The following LIPE variants were observed in gnomAD, a reference collection of about 807,000 sequenced individuals.
LIPE encodes hormone-sensitive lipase.
A neutral mutation model predicts 88.5 loss-of-function variants in LIPE; 66 were observed. The ratio of observed to expected loss-of-function variants is 0.75; its 90% confidence interval spans 0.61 to 0.91. The LOEUF is 0.91. Among genes scored for constraint, LIPE ranks in the 40% least tolerant of loss-of-function variants. The pLI is 0.00. For synonymous variants in LIPE, 570 were observed against 617.5 expected, an observed-to-expected ratio of 0.92 and a Z score of 1.14; for missense variants, 1,346 against 1,434.7, an observed-to-expected ratio of 0.94 and a Z score of 1.00.
At position 42,408,993 on chromosome 19, in the gene LIPE, C is replaced by G. The variant is rs1382518068; in HGVS notation, c.1420-671G>C. Among the ~76,000 whole-genome samples, 1 of 151,842 alleles carries G rather than the reference C, an allele frequency of 6.6e-6. No homozygotes were observed. Among genetic ancestry groups the G allele is most frequent in the African/African-American group, 2.4e-5 (1 of 41,308 alleles). On this transcript the variant is annotated intron_variant, in intron 2 of 9. Transcript: ENST00000244289. The surrounding 1 kb of genome is among the most constrained non-coding windows in gnomAD (Gnocchi z 4.3). ...GGGCAGAGGAATTTGGATTTCATTC[C>G]CAGTGCGGGGTGGTGCCACTGGTAG...
At chr19:42,403,525 G>A (rs1372758183) in intron 8 of LIPE, among the ~76,000 whole-genome samples, 1 of 150,598 alleles carries the variant, frequency 6.6e-6, no homozygotes, top group African/African-American at 2.4e-5. Flanking sequence ...ATGGCTCACT[G>A]CAACCTCCAC....
intron 1 of LIPE, among the ~76,000 whole-genome samples, chr19:42,422,678 C>T (rs1487995049): frequency 1.3e-5 from 2 of 152,310 alleles, no homozygotes; most frequent in Non-Finnish European, 1.5e-5. Context: ...AGGCTTGCAG[C>T]ATTTCTGTTG....
In LIPE at chr19:42,414,093, A is replaced by G. The variant is rs1238234950; in HGVS notation, c.884-3251T>C. On this transcript the variant is annotated intron_variant, in intron 1 of 9. Coordinates refer to ENST00000244289, the MANE Select transcript of LIPE (RefSeq NM_005357.4). The surrounding 1 kb of genome is among the most constrained non-coding windows in gnomAD (Gnocchi z 4.6). Reference sequence around the variant, plus strand: ...GGAGATCGAGACCATCCTGGCCAACATGCTGAAACCCCGTCTCTACTAAAA... The same window carrying G: ...GGAGATCGAGACCATCCTGGCCAACGTGCTGAAACCCCGTCTCTACTAAAA... Among the ~76,000 whole-genome samples, 2 of 152,150 alleles carry G rather than the reference A, an allele frequency of 1.3e-5. No individual in the cohort carries two copies. Among genetic ancestry groups the G allele is most frequent in the African/African-American group, 4.8e-5 (2 of 41,442 alleles).
At chr19:42,421,658 C>T (rs763110504) in intron 1 of LIPE, among the ~76,000 whole-genome samples, 10 of 152,248 alleles carry the variant, frequency 6.6e-5, no homozygotes, top group African/African-American at 1.4e-4. Context: ...AGGCAGCCAT[C>T]TCTTTGCCCT....
intron 1 of LIPE, chr19:42,424,717 C>T (rs756976445): frequency 2.3e-6 from 1 of 429,716 alleles, no homozygotes; most frequent in Non-Finnish European, 4.7e-6. Context: ...ATTAGGGCTG[C>T]GTTGGTTTTT....
chr19:42,405,351 C>T, intron 8 of LIPE, 34 bp downstream of exon 8: 1 of 1,604,948 alleles, frequency 6.2e-7, no homozygotes, highest in Non-Finnish European at 8.5e-7. Flanking sequence ...CCTGCCCACC[C>T]TGGCTGGGCA....
chr19:42,403,391 G>A lies in LIPE; in HGVS notation c.2543-360C>T, dbSNP rs577125159. Among the ~76,000 whole-genome samples, 3 of 151,994 alleles carry A rather than the reference G, an allele frequency of 2.0e-5. No individual in the cohort carries two copies. The South Asian group carries it at 6.3e-4, about 32-fold the overall frequency. On this transcript the variant is annotated intron_variant, in intron 8 of 9. Transcript: ENST00000244289. ...CTTGGTTCATAGGTGGCAGGACTCA[G>A]TGGGATAAGATGTGGGATTAGGTAC...
rs144192422 is a variant in LIPE at position 42,402,745 on chromosome 19, C to G, written c.2829G>C (p.Glu943Asp). 1.3e-6 allele frequency: 2 copies of G among 1,573,700 alleles called. No individual in the cohort carries two copies. Residue 943 changes from glutamate to aspartate, a missense_variant, in exon 9 of 10, where the codon GAG (glutamate) becomes GAC (aspartate). Physicochemically the swap from Glu to Asp is conservative, Grantham distance 45. Transcript: ENST00000244289. ...RGLGVRAAFP[E>D]GFHPRRSSQG... ...GGCTGGAGCGTCGGGGGTGGAAACCCTCGGGGAAGGCGGCACGGACGCCCA... is the reference window on the plus strand; with the variant it reads ...GGCTGGAGCGTCGGGGGTGGAAACCGTCGGGGAAGGCGGCACGGACGCCCA...
Position 42,426,795 on chromosome 19 carries a change from G to T in LIPE, c.355C>A (p.Leu119Ile). ...TGTTGAGTTATAGATTCTTTTCCTA[G>T]CCCAGGTCCCTGCTGGGAGGCAGCT... ...QEAASQQGPG[L>I]GKESITQQEP... The change falls in exon 1 of 10, where the codon CTA becomes ATA. Residue 119 changes from leucine (L) to isoleucine (I), a missense_variant. Leu to Ile is a conservative substitution (Grantham distance 5). Transcript: ENST00000244289. 6.2e-7 allele frequency: 1 copy of T among 1,614,074 alleles called. No individual in the cohort carries two copies. Among genetic ancestry groups the T allele is most frequent in the Non-Finnish European group, 8.5e-7 (1 of 1,180,016 alleles).
Position 42,407,197 on chromosome 19 carries a change from GC to G in LIPE, c.2113del (p.Ala705ProfsTer64). The stretch of plus-strand genomic sequence containing the variant: ...ACCAAGGAGGGCGCAGTGCTTGATG[GC>G]CCAGCAGTAGGCGAAGAAGCACTCC... ...LEECFFAYCW[A>X]IKHCALLGST... is the part of the protein sequence containing the mutation. On this transcript the variant is annotated frameshift_variant, in exon 6 of 10. Coordinates refer to ENST00000244289, the MANE Select transcript of LIPE (RefSeq NM_005357.4). LOFTEE classifies it high-confidence loss of function. This position sits in a 1 kb window ranked among gnomAD's most constrained non-coding sequence, Gnocchi z 5.8. 1 of 1,534,256 alleles carries G rather than the reference GC, an allele frequency of 6.5e-7. No homozygotes were observed. The highest frequency in any genetic ancestry group is 1.2e-5 in the South Asian group (1 of 82,020).
Position 42,410,717 on chromosome 19 carries a change from C to A in LIPE, c.1009G>T (p.Val337Phe). 6.2e-7 allele frequency: 1 copy of A among 1,613,846 alleles called. No homozygotes were observed. Among genetic ancestry groups the A allele is most frequent in the South Asian group, 1.1e-5 (1 of 91,074 alleles). ...GCCTGCTCCCGTACACCGGCAAAAACGCCTGACAGCCGCTGGGCCGTTTCC... is the reference window on the plus strand; with the variant it reads ...GCCTGCTCCCGTACACCGGCAAAAAAGCCTGACAGCCGCTGGGCCGTTTCC... ...PGETAQRLSG[V>F]FAGVREQALG... The change falls in exon 2 of 10, where the codon GTT becomes TTT. Residue 337 changes from valine to phenylalanine, a missense_variant. Transcript: ENST00000244289. This position sits in a 1 kb window ranked among gnomAD's most constrained non-coding sequence, Gnocchi z 6.1.
rs1189231129 is a variant in LIPE at position 42,402,753 on chromosome 19, AGGC to A, written c.2818_2820del (p.Ala940del). 3 of 1,581,436 alleles carry A rather than the reference AGGC, an allele frequency of 1.9e-6. No individual in the cohort carries two copies. The highest frequency in any genetic ancestry group is 2.6e-6 in the Non-Finnish European group (3 of 1,158,216). ...CGTCGGGGGTGGAAACCCTCGGGGA[AGGC>A]GGCACGGACGCCCAGGCCTCTGTCC... On this transcript the variant is annotated inframe_deletion, in exon 9 of 10. Coordinates refer to ENST00000244289, the MANE Select transcript of LIPE (RefSeq NM_005357.4).
chr19:42,402,006 G>C lies in LIPE; in HGVS notation c.3037C>G (p.Pro1013Ala), dbSNP rs746898447. 9 of 1,549,056 alleles carry C rather than the reference G, an allele frequency of 5.8e-6. No homozygotes were observed. Among genetic ancestry groups the C allele is most frequent in the Non-Finnish European group, 7.0e-6 (8 of 1,148,926 alleles). Residue 1013 changes from proline (P) to alanine (A), a missense_variant, in exon 10 of 10, where the codon CCG becomes GCG. Transcript: ENST00000244289. ...TCCTCCACCACGCGCAGCGTCACCG[G>C]CTGGCCCAGGTTGCGCAGTCGCCGC... ...LARRLRNLGQPVTLRVVEDLP... is the reference protein window; with the variant it reads ...LARRLRNLGQAVTLRVVEDLP...
intron 1 of LIPE, among the ~76,000 whole-genome samples, chr19:42,417,076 A>G (rs1039784907): frequency 1.3e-5 from 2 of 151,904 alleles, no homozygotes; most frequent in African/African-American, 4.8e-5. Context: ...GCCCGCCACC[A>G]CACCTGGCTA....
intron 1 of LIPE, chr19:42,423,679 A>T: frequency 3.5e-6 from 4 of 1,144,564 alleles, no homozygotes; most frequent in Non-Finnish European, 4.3e-6. Context: ...TCCCTAACCA[A>T]TTCTGGTCTC....
At chr19:42,417,567 T>G (rs1037936313) in intron 1 of LIPE, among the ~76,000 whole-genome samples, 5 of 152,130 alleles carry the variant, frequency 3.3e-5, no homozygotes, top group Non-Finnish European at 7.4e-5. Context: ...TTTTTTGTGT[T>G]TTTTAAGAGA....
chr19:42,410,904 C>T lies in LIPE; in HGVS notation c.884-62G>A, dbSNP rs1349476907. The T allele has an allele frequency of 4.4e-5, 65 of 1,470,550 alleles. No homozygotes were observed. The highest frequency in any genetic ancestry group is 5.2e-5 in the Non-Finnish European group (57 of 1,102,250). 91.1% of individuals were successfully genotyped at this position (1,470,550 alleles called of 1,614,324 possible). A position where few individuals can be genotyped will look rare whatever the true frequency, so the allele number is the denominator to read the frequency against. On this transcript the variant is annotated intron_variant, in intron 1 of 9. Coordinates refer to ENST00000244289, the MANE Select transcript of LIPE (RefSeq NM_005357.4). This position sits in a 1 kb window ranked among gnomAD's most constrained non-coding sequence, Gnocchi z 6.1. The stretch of plus-strand genomic sequence containing the variant: ...GATCAAGCCTTGCTTAGCTGGGGCC[C>T]AGGAGTCTGGGCCATAGCTTACCCA...
At chr19:42,424,783 T>C (rs2040677532) in intron 1 of LIPE, 15 of 361,944 alleles carry the variant, frequency 4.1e-5, no homozygotes, top group South Asian at 3.1e-4. Flanking sequence ...ATAAAACTTG[T>C]ATTCCCCCCT....
At chr19:42,411,455 T>C (rs2040373087) in intron 1 of LIPE, 1 of 361,498 alleles carries the variant, frequency 2.8e-6, no homozygotes, top group Non-Finnish European at 3.8e-6. Flanking sequence ...CATCTTTCCT[T>C]CTTAGGCCCC....
Sources: gnomAD v4.1 joint callset for allele counts (sites outside exome capture counted in the v4.1 genomes callset) on GRCh38, gnomAD v4.1.1 for gene constraint, Gnocchi (gnomAD v3.1) non-coding constraint, MANE v1.5 for transcripts, NCBI Gene and HGNC (gene_info 2026-07-23, HGNC 2026-07-21) for gene names.